Variants in COL24A1 observed in about 807,000 individuals in gnomAD.
COL24A1 encodes collagen alpha-1(XXIV) chain.
A neutral mutation model predicts 253.9 loss-of-function variants in COL24A1; 224 were observed. The observed-to-expected ratio is 0.88, with a 90% CI of 0.79 to 0.99. COL24A1 has a LOEUF of 0.99. COL24A1 is among the 50% of genes least tolerant of loss of function. The probability of loss-of-function intolerance (pLI) is 0.00; values close to 1 mark genes in which losing one functional copy is unlikely to be tolerated. For missense variants in COL24A1, 2,131 were observed against 2,068.5 expected, an observed-to-expected ratio of 1.03 and a Z score of -0.59; for synonymous variants, 685 against 673.7, an observed-to-expected ratio of 1.02 and a Z score of -0.26.
intron 29 of COL24A1, 99 bp from the exon 30 acceptor site, chr1:85,896,164 T>TA: frequency 7.6e-7 from 1 of 1,309,746 alleles, no homozygotes; most frequent in Admixed American, 2.2e-5. Context: ...AAAAAGACAG[T>TA]AAGTATATAG....
chr1:85,848,551 C>T (rs1006373854), intron 38 of COL24A1, among the ~76,000 whole-genome samples: 4 of 152,162 alleles, frequency 2.6e-5, no homozygotes, highest in African/African-American at 9.7e-5. Flanking sequence ...TTCAAGCGAT[C>T]CGCCCACCTC....
intron 37 of COL24A1, among the ~76,000 whole-genome samples, chr1:85,859,423 A>G (rs1678882119): frequency 6.6e-6 from 1 of 152,192 alleles, no homozygotes; most frequent in Non-Finnish European, 1.5e-5. Flanking sequence ...GGAACAGAAC[A>G]TATGAATCTA....
intron 2 of COL24A1, among the ~76,000 whole-genome samples, chr1:86,138,466 A>G (rs977745373): frequency 6.6e-6 from 1 of 152,036 alleles, no homozygotes; most frequent in African/African-American, 2.4e-5. Context: ...ACCTGGTGGG[A>G]GGTGATTGAA....
At chr1:86,068,266 G>C (rs1701634402) in intron 7 of COL24A1, among the ~76,000 whole-genome samples, 1 of 152,212 alleles carries the variant, frequency 6.6e-6, no homozygotes, top group Admixed American at 6.5e-5. Flanking sequence ...GAGGACAAGA[G>C]ATACAGTCTT....
rs928565620 is a variant in COL24A1 at position 85,970,106 on chromosome 1, C to T, written c.2463+121G>A. ...TATTTTATTTTGGGGCATTTTATGA[C>T]TTTAATTTGTTTTCATTTTTGTCCT... On this transcript the variant is annotated intron_variant, in intron 22 of 59. Coordinates refer to ENST00000370571, the MANE Select transcript of COL24A1 (RefSeq NM_152890.7). 8 of 895,336 alleles carry T rather than the reference C, an allele frequency of 8.9e-6. No individual in the cohort carries two copies. In the South Asian group the frequency reaches 1.7e-4, roughly 19 times the overall value. The allele number at this position is 895,336 out of a possible 1,614,324, so 55.5% of individuals were successfully genotyped here. A position where few individuals can be genotyped will look rare whatever the true frequency, so the allele number is the denominator to read the frequency against.
intron 38 of COL24A1, 117 bp from the exon 39 acceptor site, chr1:85,847,889 C>A: frequency 1.8e-6 from 1 of 543,214 alleles, no homozygotes; most frequent in South Asian, 3.2e-5. Flanking sequence ...TATTACAGAT[C>A]ACTATTAACA....
intron 12 of COL24A1, among the ~76,000 whole-genome samples, chr1:86,043,984 C>T (rs1416071424): frequency 6.6e-6 from 1 of 152,166 alleles, no homozygotes; most frequent in African/African-American, 2.4e-5. Context: ...TTCATAGTAG[C>T]CTGGAATCTT....
At chr1:85,868,242 T>C (rs917696232) in intron 37 of COL24A1, among the ~76,000 whole-genome samples, 21 of 152,192 alleles carry the variant, frequency 1.4e-4, no homozygotes, top group African/African-American at 5.1e-4. Flanking sequence ...AGATCCAAAA[T>C]ATTTAATCAA....
At chr1:86,000,009 C>A (rs1363352602) in intron 19 of COL24A1, among the ~76,000 whole-genome samples, 1 of 152,208 alleles carries the variant, frequency 6.6e-6, no homozygotes, top group Non-Finnish European at 1.5e-5. Flanking sequence ...CACAAAAAAA[C>A]TGTATCAGCT....
intron 24 of COL24A1, among the ~76,000 whole-genome samples, chr1:85,939,356 A>G (rs978074528): frequency 8.5e-5 from 13 of 152,116 alleles, no homozygotes; most frequent in African/African-American, 3.1e-4. Context: ...TGTAGTTTCA[A>G]TGTCTGGGTA....
At chr1:86,135,647 T>C (rs968086986) in intron 2 of COL24A1, among the ~76,000 whole-genome samples, 1 of 152,038 alleles carries the variant, frequency 6.6e-6, no homozygotes, top group East Asian at 1.9e-4. Flanking sequence ...TTTGTATGAC[T>C]TCTTTACTGA....
At chr1:85,911,052 T>C (rs1175120562) in intron 25 of COL24A1, among the ~76,000 whole-genome samples, 1 of 151,938 alleles carries the variant, frequency 6.6e-6, no homozygotes, top group East Asian at 1.9e-4. Flanking sequence ...CTTATTCTTC[T>C]TTTTCAAAAA....
chr1:85,840,214 C>A (rs1676446285), intron 42 of COL24A1, among the ~76,000 whole-genome samples: 1 of 152,104 alleles, frequency 6.6e-6, no homozygotes. Flanking sequence ...CTGGGAAAAA[C>A]AACCACTACT....
chr1:85,953,381 A>G (rs960387659), intron 24 of COL24A1, among the ~76,000 whole-genome samples: 4 of 152,158 alleles, frequency 2.6e-5, no homozygotes, highest in African/African-American at 9.7e-5. Context: ...TTCTCTATCA[A>G]CACCTATGTC....
intron 47 of COL24A1, among the ~76,000 whole-genome samples, chr1:85,801,862 G>T (rs887901789): frequency 1.5e-4 from 23 of 152,132 alleles, no homozygotes; most frequent in Admixed American, 1.4e-3. Flanking sequence ...TATAATATTT[G>T]CTTTTTCAGT....
intron 39 of COL24A1, 82 bp from the exon 40 acceptor site, chr1:85,842,475 A>T: frequency 1.0e-6 from 1 of 970,306 alleles, no homozygotes. Flanking sequence ...TATTGTTTAA[A>T]TTGTTACCTT....
intron 32 of COL24A1, among the ~76,000 whole-genome samples, chr1:85,886,887 C>T (rs747920471): frequency 5.9e-5 from 9 of 151,998 alleles, no homozygotes; most frequent in Non-Finnish European, 1.2e-4. Flanking sequence ...AATTCATCTG[C>T]CACTTTATTT....
At chr1:85,894,815 T>A (rs1002883839) in intron 31 of COL24A1, among the ~76,000 whole-genome samples, 1 of 152,182 alleles carries the variant, frequency 6.6e-6, no homozygotes, top group Non-Finnish European at 1.5e-5. Context: ...TTAGGTTGGA[T>A]CACTGTTAAA....
Position 85,761,522 on chromosome 1 carries a change from C to A in COL24A1, c.4410+9G>T, listed in dbSNP as rs1233333295. The A allele has an allele frequency of 6.2e-7, 1 of 1,613,964 alleles. No individual in the cohort carries two copies. Among genetic ancestry groups the A allele is most frequent in the Non-Finnish European group, 8.5e-7 (1 of 1,179,942 alleles). ...AATGGTAAACAGATATAAATGAAAA[C>A]CAACTCACTGGAGGCCCTGGTTGAC... On this transcript the variant is annotated intron_variant, in intron 54 of 59. Coordinates refer to ENST00000370571, the MANE Select transcript of COL24A1 (RefSeq NM_152890.7).
Sources: gnomAD v4.1 joint callset for allele counts (sites outside exome capture counted in the v4.1 genomes callset) on GRCh38, gnomAD v4.1.1 for gene constraint, MANE v1.5 for transcripts, NCBI Gene and HGNC (gene_info 2026-07-23, HGNC 2026-07-21) for gene names.